Variants in COL5A2 observed in about 807,000 individuals in gnomAD.
COL5A2 encodes the protein collagen type V alpha 2 chain.
COL5A2 carries 23 observed loss-of-function variants against 208.2 expected under a neutral mutation model. The observed-to-expected ratio is 0.11, with a 90% CI of 0.08 to 0.16. The LOEUF is 0.16. Among genes scored for constraint, COL5A2 ranks in the 10% least tolerant of loss-of-function variants. The pLI, the probability that COL5A2 is intolerant of heterozygous loss-of-function variation, is 1.00. For missense variants in COL5A2, 1,590 were observed against 1,956.4 expected (o/e 0.81, Z 3.53); for synonymous variants, 625 against 628.5 (o/e 0.99, Z 0.08).
rs548909882 is a variant in COL5A2 at position 189,179,183 on chromosome 2, A to G, written c.97+325T>C. On this transcript the variant is annotated intron_variant, in intron 1 of 53. Coordinates refer to ENST00000374866, the MANE Select transcript of COL5A2 (RefSeq NM_000393.5). The stretch of plus-strand genomic sequence containing the variant: ...CCAGCCCACAGAACAGAGCTCCTCT[A>G]ACTAAAATGCCTTTAGTGCTCCGTT... Among the ~76,000 whole-genome samples, 3 of 152,306 alleles carry G rather than the reference A, an allele frequency of 2.0e-5. No individual in the cohort carries two copies. In the South Asian group the frequency reaches 6.2e-4, roughly 32 times the overall value.
Position 189,079,998 on chromosome 2 carries a change from C to T in COL5A2, c.940G>A (p.Val314Ile). The T allele has an allele frequency of 6.2e-7, 1 of 1,613,064 alleles. No homozygotes were observed. The highest frequency in any genetic ancestry group is 8.5e-7 in the Non-Finnish European group (1 of 1,179,188). The stretch of plus-strand genomic sequence containing the variant: ...ATTACCTTGGAACCAGGTGCTCCAA[C>T]TTCACCTTTAGGGCCTTCAAGACCT... ...HKGLEGPKGE[V>I]GAPGSKGEAG... The change falls in exon 14 of 54, where the codon GTT becomes ATT. Residue 314 changes from valine (V) to isoleucine (I), a missense_variant. Coordinates refer to ENST00000374866, the MANE Select transcript of COL5A2 (RefSeq NM_000393.5).
chr2:189,096,621 C>CAAAAAAAAAAAAA (rs777945216), intron 6 of COL5A2, among the ~76,000 whole-genome samples: 1 of 71,116 alleles, frequency 1.4e-5, no homozygotes, highest in Non-Finnish European at 2.9e-5. Flanking sequence ...GACTCCGTCT[C>CAAAAAAAAAAAAA]AAAAAAAAAA....
the COL5A2 span, among the ~76,000 whole-genome samples, chr2:189,268,662 C>CA: frequency 6.6e-5 from 10 of 151,432 alleles, no homozygotes; most frequent in Non-Finnish European, 4.4e-5. Context: ...CACAAAAAAG[C>CA]ACTTCATCTT....
At chr2:189,379,232 G>A in the COL5A2 span, among the ~76,000 whole-genome samples, 4 of 152,164 alleles carry the variant, frequency 2.6e-5, no homozygotes, top group South Asian at 8.3e-4. Flanking sequence ...CTTTAAATTT[G>A]CAGGCTTAAC....
the COL5A2 span, among the ~76,000 whole-genome samples, chr2:189,290,717 TACACACACACACACAC>T: frequency 1.3e-4 from 18 of 136,614 alleles, no homozygotes; most frequent in African/African-American, 4.9e-4. Flanking sequence ...TTTTTGTTAA[TACACACACACACACAC>T]ACACACACAC....
intron 1 of COL5A2, among the ~76,000 whole-genome samples, chr2:189,193,577 C>A (rs1180588522): frequency 1.3e-5 from 2 of 152,156 alleles, no homozygotes; most frequent in Non-Finnish European, 2.9e-5. Context: ...ATTCTCTCAA[C>A]TGAAATGGGC....
intron 45 of COL5A2, among the ~76,000 whole-genome samples, 187 bp downstream of exon 45, chr2:189,048,022 T>G (rs1331440305): frequency 1.3e-5 from 2 of 152,208 alleles, no homozygotes; most frequent in Non-Finnish European, 2.9e-5. Context: ...CCATCTTAAT[T>G]TGTTGCATAT....
chr2:189,214,393 C>T (rs1424645774), intron 1 of COL5A2, among the ~76,000 whole-genome samples: 2 of 151,966 alleles, frequency 1.3e-5, no homozygotes, highest in Non-Finnish European at 2.9e-5. Flanking sequence ...GCATTCATGT[C>T]ATGTTAGACA....
chr2:189,035,082 T>C lies in COL5A2; in HGVS notation c.4187A>G (p.Glu1396Gly). 1 of 1,613,932 alleles carries C rather than the reference T, an allele frequency of 6.2e-7. No homozygotes were observed. The highest frequency in any genetic ancestry group is 8.5e-7 in the Non-Finnish European group (1 of 1,179,910). Residue 1396 changes from glutamate to glycine, a missense_variant, in exon 53 of 54, where the codon GAA (glutamate) becomes GGA (glycine). By Grantham distance (98) the Glu-to-Gly change is moderately conservative. Coordinates refer to ENST00000374866, the MANE Select transcript of COL5A2 (RefSeq NM_000393.5). ...GATGTAAGTGATGTTCTGGGAGGCT[T>C]CTTTTGATAAAAGGCGCAAAAAAGT... ...QMTFLRLLSK[E>G]ASQNITYICK...
chr2:189,239,742 A>C, the COL5A2 span, among the ~76,000 whole-genome samples: 1 of 151,928 alleles, frequency 6.6e-6, no homozygotes, highest in African/African-American at 2.4e-5. Context: ...CACATTGTGC[A>C]CATGTACCCT....
At chr2:189,291,570 T>A in the COL5A2 span, among the ~76,000 whole-genome samples, 2 of 152,280 alleles carry the variant, frequency 1.3e-5, no homozygotes, top group East Asian at 3.9e-4. Flanking sequence ...ATAAATTTTA[T>A]CATGGATAAA....
chr2:189,278,092 G>A, the COL5A2 span, among the ~76,000 whole-genome samples: 3 of 152,012 alleles, frequency 2.0e-5, no homozygotes, highest in Non-Finnish European at 2.9e-5. Flanking sequence ...CTGCTAAGTC[G>A]CTACAAAACA....
At chr2:189,402,808 T>TATAGC in the COL5A2 span, among the ~76,000 whole-genome samples, 2 of 152,068 alleles carry the variant, frequency 1.3e-5, no homozygotes, top group Non-Finnish European at 2.9e-5. Context: ...TATAGTATAG[T>TATAGC]ATAGCCTTAT....
intron 1 of COL5A2, among the ~76,000 whole-genome samples, chr2:189,117,102 C>A (rs1687406603): frequency 1.8e-5 from 1 of 56,896 alleles, no homozygotes; most frequent in Non-Finnish European, 7.7e-5. Flanking sequence ...GAAAAACTCT[C>A]ATATTAGGTA....
At position 189,179,662 on chromosome 2, in the gene COL5A2, T is replaced by G; in HGVS notation, c.-58A>C. 2 of 1,555,382 alleles carry G rather than the reference T, an allele frequency of 1.3e-6. No homozygotes were observed. The highest frequency in any genetic ancestry group is 1.7e-6 in the Non-Finnish European group (2 of 1,149,656). On this transcript the variant is annotated 5_prime_UTR_variant, in exon 1 of 54. Coordinates refer to ENST00000374866, the MANE Select transcript of COL5A2 (RefSeq NM_000393.5). Reference sequence around the variant, plus strand: ...AGTGAAAAGTAGATTCTGAGGTTATTGTAGCACCATGAAGTCAGCTGTGGG... The same window carrying G: ...AGTGAAAAGTAGATTCTGAGGTTATGGTAGCACCATGAAGTCAGCTGTGGG...
Position 189,049,380 on chromosome 2 carries a change from G to C in COL5A2, c.3114C>G (p.Gly1038=). The C allele has an allele frequency of 6.2e-7, 1 of 1,613,350 alleles. No individual in the cohort carries two copies. Among genetic ancestry groups the C allele is most frequent in the South Asian group, 1.1e-5 (1 of 90,832 alleles). Residue 1038 remains glycine, a synonymous_variant, in exon 44 of 54, where the codon GGC becomes GGG. Coordinates refer to ENST00000374866, the MANE Select transcript of COL5A2 (RefSeq NM_000393.5). ...KGPPGPVGPP[G]SNGPVGEPGP... ...CAGGTTCCCCTACAGGACCATTGGA[G>C]CCTGGGGGCCCCACAGGTCCAGGTG...
At chr2:189,322,634 T>TA in the COL5A2 span, among the ~76,000 whole-genome samples, 1 of 152,066 alleles carries the variant, frequency 6.6e-6, no homozygotes, top group Non-Finnish European at 1.5e-5. Flanking sequence ...CAGGAAGAAG[T>TA]TGAATCTCTG....
intron 16 of COL5A2, among the ~76,000 whole-genome samples, chr2:189,076,343 T>C (rs1419316943): frequency 6.6e-6 from 1 of 152,296 alleles, no homozygotes; most frequent in South Asian, 2.1e-4. Flanking sequence ...CTGGTGACAG[T>C]TGGAGTATGA....
At chr2:189,311,160 G>C in the COL5A2 span, 1 of 677,340 alleles carries the variant, frequency 1.5e-6, no homozygotes, top group East Asian at 2.8e-5. Flanking sequence ...CCCCAGCACT[G>C]CACAGCCACT....
Sources: allele counts gnomAD v4.1 joint callset (sites outside exome capture counted in the v4.1 genomes callset), GRCh38; gene constraint gnomAD v4.1.1; transcripts MANE v1.5; gene names NCBI Gene and HGNC (gene_info 2026-07-23, HGNC 2026-07-21).